ZNF385D: variants seen among roughly 807,000 people sequenced by gnomAD.
The protein encoded by ZNF385D is zinc finger protein 385D.
ZNF385D carries 15 observed loss-of-function variants against 35.8 expected under a neutral mutation model. That is an observed-to-expected ratio of 0.42 (90% CI 0.28 to 0.64). The LOEUF (loss-of-function observed/expected upper bound fraction) is 0.64. Ranked by LOEUF, ZNF385D falls within the 30% of genes least tolerant of loss-of-function variation. The pLI, the probability that ZNF385D is intolerant of heterozygous loss-of-function variation, is 0.23. For missense variants in ZNF385D, 474 were observed against 494.6 expected (o/e 0.96, Z 0.39); for synonymous variants, 212 against 186.8 (o/e 1.13, Z -1.10).
chr3:22,162,301 A>G (rs1706010149), intron 3 of ZNF385D, among the ~76,000 whole-genome samples: 2 of 152,148 alleles, frequency 1.3e-5, no homozygotes, highest in Non-Finnish European at 2.9e-5. Flanking sequence ...AGACTACAGG[A>G]ACAGCTTTGA....
intron 2 of ZNF385D, among the ~76,000 whole-genome samples, chr3:22,286,696 T>A (rs905144834): frequency 1.3e-5 from 2 of 152,166 alleles, no homozygotes; most frequent in African/African-American, 4.8e-5. Context: ...TTGTAAGCTT[T>A]CCATGATTCC....
intron 3 of ZNF385D, among the ~76,000 whole-genome samples, chr3:21,811,133 C>G (rs2072903758): frequency 6.6e-6 from 1 of 151,974 alleles, no homozygotes; most frequent in African/African-American, 2.4e-5. Context: ...AATCTCAAAT[C>G]TTAAATCAGA....
intron 3 of ZNF385D, among the ~76,000 whole-genome samples, chr3:21,836,929 C>T (rs1233578314): frequency 1.3e-5 from 2 of 151,976 alleles, no homozygotes; most frequent in African/African-American, 4.8e-5. Context: ...CTCTTCCCTC[C>T]TTGAGCTGAT....
intron 1 of ZNF385D, among the ~76,000 whole-genome samples, chr3:21,735,462 A>T: frequency 6.6e-6 from 1 of 152,150 alleles, no homozygotes. Flanking sequence ...GGTGAAGTAT[A>T]TAAGGTGACA....
At chr3:21,682,947 C>T (rs1255624758) in intron 1 of ZNF385D, among the ~76,000 whole-genome samples, 1 of 149,728 alleles carries the variant, frequency 6.7e-6, no homozygotes, top group Non-Finnish European at 1.5e-5. Flanking sequence ...GTTGGCTGAC[C>T]CTGGTCCAGA....
intron 3 of ZNF385D, among the ~76,000 whole-genome samples, chr3:21,950,980 G>A (rs763487929): frequency 6.6e-6 from 1 of 151,760 alleles, no homozygotes; most frequent in African/African-American, 2.4e-5. Context: ...CAGGTAGCAT[G>A]ATGCCTCCAG....
chr3:22,187,086 GAGGAGATCACACAA>G (rs1695685663), intron 2 of ZNF385D, among the ~76,000 whole-genome samples: 2 of 152,024 alleles, frequency 1.3e-5, no homozygotes, highest in African/African-American at 4.8e-5. Flanking sequence ...TATAACAAAC[GAGGAGATCACACAA>G]TCTAACATCT....
intron 3 of ZNF385D, among the ~76,000 whole-genome samples, chr3:22,160,025 C>A (rs935081637): frequency 6.6e-6 from 1 of 151,892 alleles, no homozygotes; most frequent in Non-Finnish European, 1.5e-5. Context: ...AATCATGGGG[C>A]CAGTTTTCCC....
chr3:22,092,004 T>A (rs1701358836), intron 3 of ZNF385D, among the ~76,000 whole-genome samples: 1 of 152,198 alleles, frequency 6.6e-6, no homozygotes. Context: ...AAAAATACCT[T>A]CACTTTCAGG....
chr3:21,555,999 A>G (rs959743611), intron 3 of ZNF385D, among the ~76,000 whole-genome samples: 1 of 150,400 alleles, frequency 6.6e-6, no homozygotes, highest in Non-Finnish European at 1.5e-5. Flanking sequence ...TGTTGGCTGC[A>G]TAAATGTCTT....
At chr3:21,460,602 T>C (rs1416313036) in intron 4 of ZNF385D, among the ~76,000 whole-genome samples, 3 of 152,212 alleles carry the variant, frequency 2.0e-5, no homozygotes, top group African/African-American at 7.2e-5. Flanking sequence ...GAATGGGTTC[T>C]CTAATGAACA....
chr3:21,701,047 A>G (rs942331577), intron 1 of ZNF385D, among the ~76,000 whole-genome samples: 1 of 152,196 alleles, frequency 6.6e-6, no homozygotes, highest in Non-Finnish European at 1.5e-5. Context: ...GGGAGCCAAT[A>G]AACAATCTGA....
At chr3:22,312,189 G>A (rs898644247) in intron 2 of ZNF385D, among the ~76,000 whole-genome samples, 1 of 152,118 alleles carries the variant, frequency 6.6e-6, no homozygotes, top group Non-Finnish European at 1.5e-5. Context: ...TTTGGCTTGT[G>A]CCGATACTGT....
At chr3:21,720,521 T>G (rs991083183) in intron 1 of ZNF385D, among the ~76,000 whole-genome samples, 2 of 152,154 alleles carry the variant, frequency 1.3e-5, no homozygotes, top group Admixed American at 1.3e-4. Context: ...GCCACTGCAC[T>G]GGAGCCTGGG....
At chr3:21,672,127 C>G (rs1204848460) in intron 1 of ZNF385D, among the ~76,000 whole-genome samples, 1 of 152,092 alleles carries the variant, frequency 6.6e-6, no homozygotes, top group South Asian at 2.1e-4. Context: ...TTCCTTAAAC[C>G]TCAGTCATCC....
intron 2 of ZNF385D, among the ~76,000 whole-genome samples, chr3:22,169,245 T>A (rs1053259296): frequency 2.0e-5 from 3 of 152,322 alleles, no homozygotes; most frequent in African/African-American, 7.2e-5. Flanking sequence ...TTTTTATCTA[T>A]TCCCAATACT....
intron 2 of ZNF385D, chr3:22,169,126 T>C: frequency 1.5e-5 from 8 of 521,610 alleles, no homozygotes; most frequent in Non-Finnish European, 2.0e-5. Flanking sequence ...AGGATTGTTC[T>C]ACACACAAGA....
At chr3:22,335,578 G>A (rs1047327650) in intron 2 of ZNF385D, among the ~76,000 whole-genome samples, 1 of 152,026 alleles carries the variant, frequency 6.6e-6, no homozygotes. Context: ...ATGCACAACA[G>A]TTTTCCATGT....
At chr3:21,920,955 C>G (rs1175353322) in intron 3 of ZNF385D, among the ~76,000 whole-genome samples, 1 of 152,004 alleles carries the variant, frequency 6.6e-6, no homozygotes, top group Non-Finnish European at 1.5e-5. Flanking sequence ...GTGGCTCATG[C>G]TTGTAATCCC....
Sources: allele counts gnomAD v4.1 joint callset (sites outside exome capture counted in the v4.1 genomes callset), GRCh38; gene constraint gnomAD v4.1.1; transcripts MANE v1.5; gene names NCBI Gene and HGNC (gene_info 2026-07-23, HGNC 2026-07-21).